Variants in PRRC2B observed in about 807,000 individuals in gnomAD.
PRRC2B encodes protein PRRC2B.
In PRRC2B, 68 loss-of-function variants were observed where a neutral mutation model predicts 242.3. The observed-to-expected ratio is 0.28, with a 90% CI of 0.23 to 0.34. The LOEUF (loss-of-function observed/expected upper bound fraction) is 0.34. PRRC2B is among the 10% of genes least tolerant of loss of function. PRRC2B has a pLI of 1.00. For synonymous variants in PRRC2B, 1,228 were observed against 1,173.6 expected (o/e 1.05, Z -0.95); for missense variants, 2,835 against 2,954.8 (o/e 0.96, Z 0.94).
chr9:131,489,884 T>C (rs1486666097), intron 28 of PRRC2B, among the ~76,000 whole-genome samples: 1 of 152,078 alleles, frequency 6.6e-6, no homozygotes, highest in Non-Finnish European at 1.5e-5. Context: ...TCACCCAGTT[T>C]CCAGGCCGTC....
At chr9:131,462,659 G>A (rs1056796821) in intron 11 of PRRC2B, among the ~76,000 whole-genome samples, 3 of 151,004 alleles carry the variant, frequency 2.0e-5, no homozygotes, top group Non-Finnish European at 3.0e-5. Flanking sequence ...CCAACATGGT[G>A]AAACCCCATC....
intron 4 of PRRC2B, among the ~76,000 whole-genome samples, chr9:131,437,051 G>A (rs766710190): frequency 2.6e-5 from 4 of 152,150 alleles, no homozygotes; most frequent in African/African-American, 7.2e-5. Flanking sequence ...CCATGGAAGC[G>A]TCACGTGAGC....
intron 1 of PRRC2B, among the ~76,000 whole-genome samples, chr9:131,415,507 CA>C (rs1311314128): frequency 6.6e-6 from 1 of 152,196 alleles, no homozygotes. Context: ...GGTAGGCAGA[CA>C]GGAGTGGTCC....
upstream of PRRC2B, among the ~76,000 whole-genome samples, chr9:131,390,781 C>CTTT (rs57100225): frequency 3.8e-3 from 139 of 36,860 alleles, no homozygotes; most frequent in Non-Finnish European, 4.4e-3. Flanking sequence ...TGTGCCCTAG[C>CTTT]TTTTTTTTTT....
intron 3 of PRRC2B, among the ~76,000 whole-genome samples, chr9:131,436,105 T>C (rs1018117214): frequency 1.3e-5 from 2 of 152,262 alleles, no homozygotes; most frequent in African/African-American, 4.8e-5. Context: ...ATTCCAGTGA[T>C]TGAATTTCCC....
intron 11 of PRRC2B, among the ~76,000 whole-genome samples, chr9:131,460,364 G>A (rs187424871): frequency 2.1e-4 from 32 of 152,338 alleles, no homozygotes; most frequent in Non-Finnish European, 4.1e-4. Context: ...TTACAAGCCA[G>A]TGGAATGCCC....
chr9:131,404,877 T>C (rs1245345914), intron 1 of PRRC2B, among the ~76,000 whole-genome samples: 1 of 152,252 alleles, frequency 6.6e-6, no homozygotes, highest in Non-Finnish European at 1.5e-5. Context: ...TGTACCAGAT[T>C]TGTTTTCAAA....
At position 131,462,867 on chromosome 9, in the gene PRRC2B, C is replaced by CAA. The variant is rs1182898561; in HGVS notation, c.1405-1894_1405-1893dup. ...AAAAAAAAAAAAAAAGGTCTCAGTGCAAATTACTTTGCAGAACATTTAGTC... is the reference window on the plus strand; with the variant it reads ...AAAAAAAAAAAAAAAGGTCTCAGTGCAAAAATTACTTTGCAGAACATTTAGTC... On this transcript the variant is annotated intron_variant, in intron 11 of 31. Coordinates refer to ENST00000683519, the MANE Select transcript of PRRC2B (RefSeq NM_013318.4). Among the ~76,000 whole-genome samples, 4 of 141,302 alleles carry CAA rather than the reference C, an allele frequency of 2.8e-5. No individual in the cohort carries two copies. In the East Asian group the frequency reaches 6.9e-4, roughly 25 times the overall value. The allele number at this position is 141,302 out of a possible 152,430, so 92.7% of individuals were successfully genotyped here. A position where few individuals can be genotyped will look rare whatever the true frequency, so the allele number is the denominator to read the frequency against.
intron 1 of PRRC2B, among the ~76,000 whole-genome samples, chr9:131,427,127 C>G (rs890970747): frequency 6.6e-6 from 1 of 152,184 alleles, no homozygotes; most frequent in Non-Finnish European, 1.5e-5. Flanking sequence ...TTTCTTGATA[C>G]GAATTGCATG....
intron 28 of PRRC2B, chr9:131,490,948 G>T (rs971079074): frequency 3.7e-6 from 1 of 272,520 alleles, no homozygotes; most frequent in South Asian, 4.1e-5. Flanking sequence ...ATCCTATGCC[G>T]CTCTGCATCC....
At chr9:131,400,145 G>A (rs1383900607) in intron 1 of PRRC2B, among the ~76,000 whole-genome samples, 1 of 152,038 alleles carries the variant, frequency 6.6e-6, no homozygotes, top group African/African-American at 2.4e-5. Flanking sequence ...GTGCAGTGAT[G>A]TGATCTCAGC....
intron 1 of PRRC2B, among the ~76,000 whole-genome samples, chr9:131,395,784 C>T (rs1232299000): frequency 6.6e-6 from 1 of 152,142 alleles, no homozygotes; most frequent in Non-Finnish European, 1.5e-5. Context: ...CTGAGCCTCT[C>T]GGGAGGCAGG....
chr9:131,435,523 G>A (rs1838326796), intron 3 of PRRC2B, among the ~76,000 whole-genome samples: 1 of 151,636 alleles, frequency 6.6e-6, no homozygotes, highest in Non-Finnish European at 1.5e-5. Flanking sequence ...ACTGAGGCAG[G>A]AGAATCGCTT....
intron 1 of PRRC2B, among the ~76,000 whole-genome samples, chr9:131,380,579 C>CA (rs1836743446): frequency 7.2e-6 from 1 of 138,552 alleles, no homozygotes; most frequent in Admixed American, 7.4e-5. Context: ...AACTCCGCCT[C>CA]AAAAAAGAAA....
chr9:131,478,971 A>G (rs1943783063), intron 18 of PRRC2B, among the ~76,000 whole-genome samples: 1 of 151,982 alleles, frequency 6.6e-6, no homozygotes, highest in African/African-American at 2.4e-5. Context: ...GTGGAATGAG[A>G]TTTGTCTCCC....
intron 1 of PRRC2B, among the ~76,000 whole-genome samples, chr9:131,397,281 C>T (rs962522187): frequency 1.3e-5 from 2 of 152,178 alleles, no homozygotes; most frequent in Non-Finnish European, 2.9e-5. Flanking sequence ...GCCCTAAGCC[C>T]ACTGTGTGGG....
intron 19 of PRRC2B, 106 bp from the exon 20 acceptor site, chr9:131,481,620 G>C: frequency 1.1e-6 from 1 of 879,436 alleles, no homozygotes. Context: ...GGAGGCAGGG[G>C]AGTTGGATTT....
Position 131,426,355 on chromosome 9 carries a change from A to G in PRRC2B, c.-51-3739A>G, listed in dbSNP as rs28539582. On this transcript the variant is annotated intron_variant, in intron 1 of 31. Coordinates refer to ENST00000683519, the MANE Select transcript of PRRC2B (RefSeq NM_013318.4). ...TCTGTCTCAAAAAAAAAAAAAAAAA[A>G]AAAAAGAAAAAGAAAAAAAGAAGAA... Among the ~76,000 whole-genome samples, 727 of 118,086 alleles carry G rather than the reference A, an allele frequency of 6.2e-3. 6 individuals carry two copies. Among genetic ancestry groups the G allele is most frequent in the East Asian group, 0.058 (226 of 3,886 alleles). 77.5% of individuals were successfully genotyped at this position (118,086 alleles called of 152,430 possible).
At position 131,477,994 on chromosome 9, in the gene PRRC2B, C is replaced by T. The variant is rs1436916924; in HGVS notation, c.4612+45C>T. ...TCAGGGGAAAGAACTCAGGCAGAAC[C>T]AGGGGCCATGCAGTCCTCGGGCCTC... On this transcript the variant is annotated intron_variant, in intron 17 of 31. Transcript: ENST00000683519. 16 of 1,567,740 alleles carry T rather than the reference C, an allele frequency of 1.0e-5. No individual in the cohort carries two copies. The East Asian group carries it at 3.6e-4, about 35-fold the overall frequency.
Sources: gnomAD v4.1 joint callset for allele counts (sites outside exome capture counted in the v4.1 genomes callset) on GRCh38, gnomAD v4.1.1 for gene constraint, MANE v1.5 for transcripts, NCBI Gene and HGNC (gene_info 2026-07-23, HGNC 2026-07-21) for gene names.